The following RORA variants were observed in gnomAD, a reference collection of about 807,000 sequenced individuals.
RORA encodes nuclear receptor ROR-alpha.
RORA carries 7 observed loss-of-function variants against 69.5 expected under a neutral mutation model. The observed-to-expected ratio is 0.10, with a 90% CI of 0.06 to 0.19. The LOEUF (loss-of-function observed/expected upper bound fraction) is 0.19, where lower values mean the gene tolerates loss of function less well. RORA is among the 10% of genes least tolerant of loss of function. The pLI is 1.00. For synonymous variants in RORA, 261 were observed against 240.8 expected (o/e 1.08, Z -0.78); for missense variants, 457 against 663.0 (o/e 0.69, Z 3.41).
At chr15:60,913,796 A>T (rs1891796477) in intron 1 of RORA, among the ~76,000 whole-genome samples, 1 of 152,214 alleles carries the variant, frequency 6.6e-6, no homozygotes, top group South Asian at 2.1e-4. Context: ...AGTCTATTAA[A>T]GGGGGTCTCA....
At chr15:60,826,400 C>T (rs2072957312) in intron 1 of RORA, among the ~76,000 whole-genome samples, 1 of 152,194 alleles carries the variant, frequency 6.6e-6, no homozygotes, top group African/African-American at 2.4e-5. Flanking sequence ...CCCCTGTTCT[C>T]AAGGGGCAAT....
intron 2 of RORA, among the ~76,000 whole-genome samples, chr15:60,562,299 G>A (rs796286922): frequency 4.0e-5 from 6 of 151,000 alleles, no homozygotes; most frequent in African/African-American, 7.3e-5. Context: ...GCGATGGCAC[G>A]ATCATAGCTA....
chr15:60,506,987 A>G (rs2065526798), intron 5 of RORA, among the ~76,000 whole-genome samples: 1 of 140,252 alleles, frequency 7.1e-6, no homozygotes, highest in Non-Finnish European at 1.6e-5. Flanking sequence ...ACTCCCTCTT[A>G]AAAAAAAAAA....
intron 1 of RORA, among the ~76,000 whole-genome samples, chr15:60,815,063 T>A (rs1429330429): frequency 6.6e-6 from 1 of 152,142 alleles, no homozygotes; most frequent in Non-Finnish European, 1.5e-5. Flanking sequence ...GGTTTGACCT[T>A]AAGGAAGTCA....
Position 60,495,086 on chromosome 15 carries a change from A to C in RORA, c.*2369T>G, listed in dbSNP as rs372057723. The stretch of plus-strand genomic sequence containing the variant: ...AATTTAGTGAATCTGAATGACAAAA[A>C]AACAAAACAAAACCAAAACCAAAAA... On this transcript the variant is annotated 3_prime_UTR_variant, in exon 11 of 11. Transcript: ENST00000335670. 2.0e-5 allele frequency: 3 copies of C among 152,368 alleles called. No homozygotes were observed. Among genetic ancestry groups the C allele is most frequent in the African/African-American group, 7.2e-5 (3 of 41,584 alleles). 9.4% of individuals were successfully genotyped at this position (152,368 alleles called of 1,614,324 possible). A position where few individuals can be genotyped will look rare whatever the true frequency, so the allele number is the denominator to read the frequency against.
chr15:61,002,167 C>G (rs34735259), intron 1 of RORA, among the ~76,000 whole-genome samples: 15,867 of 152,264 alleles, frequency 0.1, 855 homozygotes, highest in Middle Eastern at 0.14. Context: ...GGAAGGAGGA[C>G]TTAGTCCCAG....
At chr15:60,945,297 G>A (rs1892837588) in intron 1 of RORA, among the ~76,000 whole-genome samples, 1 of 152,130 alleles carries the variant, frequency 6.6e-6, no homozygotes, top group African/African-American at 2.4e-5. Flanking sequence ...GGCACGAGCT[G>A]GACATTACAG....
rs1376852447 is a variant in RORA, at chr15:60,735,224, C to A, written c.167-56538G>T. On this transcript the variant is annotated intron_variant, in intron 1 of 10. Coordinates refer to ENST00000335670, the MANE Select transcript of RORA (RefSeq NM_134261.3). ...TCTGCCTCAGAGATGTTCACCAACA[C>A]AGAAAGATTTGTTGCTTATGATAAA... Among the ~76,000 whole-genome samples the A allele has an allele frequency of 2.0e-5, 3 of 152,214 alleles. No individual in the cohort carries two copies. In the East Asian group the frequency reaches 5.8e-4, roughly 29 times the overall value.
Position 60,492,527 on chromosome 15 carries a change from C to T in RORA, c.*4928G>A, listed in dbSNP as rs1251183939. ...CTGGTATTTTAAAAACATATTTCAT[C>T]TTTTACCTATATCACTGTACTGATA... On this transcript the variant is annotated 3_prime_UTR_variant, in exon 11 of 11. Coordinates refer to ENST00000335670, the MANE Select transcript of RORA (RefSeq NM_134261.3). 6.6e-6 allele frequency: 1 copy of T among 152,124 alleles called. No homozygotes were observed. Among genetic ancestry groups the T allele is most frequent in the Non-Finnish European group, 1.5e-5 (1 of 68,008 alleles). 9.4% of individuals were successfully genotyped at this position (152,124 alleles called of 1,614,324 possible).
intron 3 of RORA, among the ~76,000 whole-genome samples, chr15:60,515,965 A>ATATATT (rs1567050964): frequency 6.1e-4 from 14 of 23,014 alleles, no homozygotes; most frequent in Admixed American, 8.5e-4. Context: ...ATTTATATTT[A>ATATATT]TATATATTTA....
chr15:61,217,006 A>C (rs2080046379), intron 1 of RORA, among the ~76,000 whole-genome samples: 1 of 152,180 alleles, frequency 6.6e-6, no homozygotes, highest in African/African-American at 2.4e-5. Flanking sequence ...CAGTGGATTC[A>C]AGAGAGGCAG....
At position 60,702,160 on chromosome 15, in the gene RORA, G is replaced by A. The variant is rs553288479; in HGVS notation, c.167-23474C>T. 5.9e-5 allele frequency among the ~76,000 whole-genome samples: 9 copies of A among 152,228 alleles called. No individual in the cohort carries two copies. In the East Asian group the frequency reaches 7.7e-4, roughly 13 times the overall value. On this transcript the variant is annotated intron_variant, in intron 1 of 10. Transcript: ENST00000335670. The stretch of plus-strand genomic sequence containing the variant: ...AAGTCACTTACCCTCTCAAAGCCTC[G>A]GCTTTCTCTTCTGTGAAACTGAAAT...
chr15:61,097,601 C>G (rs1296168589), intron 1 of RORA, among the ~76,000 whole-genome samples: 2 of 152,208 alleles, frequency 1.3e-5, no homozygotes, highest in East Asian at 3.9e-4. Context: ...CAATTAGTAT[C>G]TTTGGAATAA....
intron 1 of RORA, among the ~76,000 whole-genome samples, chr15:60,995,148 TGAATAA>T (rs936205570): frequency 4.6e-5 from 7 of 152,066 alleles, no homozygotes; most frequent in African/African-American, 1.7e-4. Context: ...AATAGGGAAA[TGAATAA>T]GAATAATGAC....
chr15:60,561,080 T>TTTTTTTG (rs1555431320), intron 2 of RORA, among the ~76,000 whole-genome samples: 1 of 131,586 alleles, frequency 7.6e-6, no homozygotes, highest in African/African-American at 3.7e-5. Flanking sequence ...TGTTTTGTTT[T>TTTTTTTG]TGTTTTTTTT....
chr15:61,102,429 C>T (rs2078892886), intron 1 of RORA, among the ~76,000 whole-genome samples: 1 of 152,216 alleles, frequency 6.6e-6, no homozygotes, highest in South Asian at 2.1e-4. Context: ...TTGGCTGCCC[C>T]AACTGTCAGA....
intron 1 of RORA, among the ~76,000 whole-genome samples, chr15:61,196,149 C>T (rs576761287): frequency 6.6e-5 from 10 of 152,170 alleles, no homozygotes; most frequent in Non-Finnish European, 1.5e-4. Flanking sequence ...AGATCTGACC[C>T]CAAAAGTTAC....
intron 2 of RORA, among the ~76,000 whole-genome samples, chr15:60,560,721 G>A (rs1421431408): frequency 6.6e-6 from 1 of 152,188 alleles, no homozygotes; most frequent in African/African-American, 2.4e-5. Context: ...GTATATAACT[G>A]TATTCAAATG....
chr15:61,012,717 TCAGCTTACTG>T (rs1318410641), intron 1 of RORA, among the ~76,000 whole-genome samples: 3 of 152,126 alleles, frequency 2.0e-5, no homozygotes, highest in Non-Finnish European at 4.4e-5. Context: ...TGGTGTGATC[TCAGCTTACTG>T]CAGCCCAGAC....
Sources: gnomAD v4.1 joint callset for allele counts (sites outside exome capture counted in the v4.1 genomes callset) on GRCh38, gnomAD v4.1.1 for gene constraint, MANE v1.5 for transcripts, NCBI Gene and HGNC (gene_info 2026-07-23, HGNC 2026-07-21) for gene names.